The following MILR1 variants were observed in gnomAD, a reference collection of about 807,000 sequenced individuals.
MILR1 encodes the protein allergin-1.
MILR1 carries 31 observed loss-of-function variants against 18.5 expected under a neutral mutation model. The observed-to-expected ratio is 1.68, with a 90% CI of 1.26 to 2.26. The LOEUF (loss-of-function observed/expected upper bound fraction) is 2.26. Ranked by LOEUF, MILR1 falls within the 30% of genes most tolerant of loss-of-function variation. The pLI is 0.00. For synonymous variants in MILR1, 85 were observed against 56.2 expected, an observed-to-expected ratio of 1.51 and a Z score of -2.30; for missense variants, 257 against 157.4, an observed-to-expected ratio of 1.63 and a Z score of -3.38.
the MILR1 span, among the ~76,000 whole-genome samples, chr17:64,491,253 G>C: frequency 6.6e-6 from 1 of 152,090 alleles, no homozygotes; most frequent in Admixed American, 6.6e-5. Flanking sequence ...CCTGCCTCAG[G>C]ATTCAGAGTA....
At chr17:64,489,085 GC>G in the MILR1 span, among the ~76,000 whole-genome samples, 1 of 146,914 alleles carries the variant, frequency 6.8e-6, no homozygotes, top group Non-Finnish European at 1.5e-5. Flanking sequence ...GAGTGCAGCA[GC>G]ACAGTCTTGG....
chr17:64,466,430 C>T lies in MILR1; in HGVS notation c.854-12C>T, dbSNP rs1555663195. The T allele has an allele frequency of 1.2e-6, 2 of 1,612,352 alleles. No individual in the cohort carries two copies. Among genetic ancestry groups the T allele is most frequent in the Non-Finnish European group, 1.7e-6 (2 of 1,179,108 alleles). ...CCACCAACCCCCAATTTATGTCATT[C>T]TCATTTTACAGAGGAGGAATCTGTG... On this transcript the variant is annotated splice_polypyrimidine_tract_variant and intron_variant, in intron 6 of 9. Coordinates refer to ENST00000619286, the MANE Select transcript of MILR1 (RefSeq NM_001085423.2).
Position 64,468,407 on chromosome 17 carries a change from A to T in MILR1, c.*126A>T, listed in dbSNP as rs2037630354. ...CAGTTCAAGCGATTCTCATGCCTCG[A>T]CCTCCCGAGTAGCTGGGATTACAGG... On this transcript the variant is annotated 3_prime_UTR_variant, in exon 10 of 10. Coordinates refer to ENST00000619286, the MANE Select transcript of MILR1 (RefSeq NM_001085423.2). 8 of 410,530 alleles carry T rather than the reference A, an allele frequency of 1.9e-5. No individual in the cohort carries two copies. The highest frequency in any genetic ancestry group is 1.4e-4 in the South Asian group (8 of 56,906). 25.4% of individuals were successfully genotyped at this position (410,530 alleles called of 1,614,324 possible).
Position 64,457,683 on chromosome 17 carries a change from A to T in MILR1, c.651A>T (p.Thr217=). 2.1e-6 allele frequency: 1 copy of T among 473,984 alleles called. No individual in the cohort carries two copies. Among genetic ancestry groups the T allele is most frequent in the South Asian group, 6.7e-5 (1 of 14,886 alleles). 29.4% of individuals were successfully genotyped at this position (473,984 alleles called of 1,614,324 possible). The change falls in exon 4 of 10, where the codon ACA becomes ACT. Residue 217 remains threonine, a splice_region_variant and synonymous_variant. Coordinates refer to ENST00000619286, the MANE Select transcript of MILR1 (RefSeq NM_001085423.2). ...GTCACCCTGTCACCATGCCCTCAAC[A>T]GGTAAGAGCAACCTGAGTTCTTTCA... ...TYSHPVTMPS[T]GGDSCPFCLK...
chr17:64,486,355 G>GT, the MILR1 span, among the ~76,000 whole-genome samples: 3 of 135,168 alleles, frequency 2.2e-5, no homozygotes, highest in Admixed American at 2.1e-4. Context: ...ATTCAGAAAG[G>GT]TAACACTTTT....
the MILR1 span, among the ~76,000 whole-genome samples, chr17:64,477,299 G>C: frequency 6.6e-6 from 1 of 152,294 alleles, no homozygotes; most frequent in East Asian, 1.9e-4. Flanking sequence ...ATTATCATGT[G>C]ATTTAGTTCT....
At chr17:64,475,309 C>T in the MILR1 span, among the ~76,000 whole-genome samples, 1 of 152,080 alleles carries the variant, frequency 6.6e-6, no homozygotes, top group Non-Finnish European at 1.5e-5. Flanking sequence ...TTTCCCATAC[C>T]TCTAGGTAAG....
At chr17:64,479,183 GTTT>G in the MILR1 span, among the ~76,000 whole-genome samples, 1 of 126,910 alleles carries the variant, frequency 7.9e-6, no homozygotes, top group African/African-American at 2.9e-5. Context: ...TCTGAAAGGT[GTTT>G]TTTTTTTTTT....
chr17:64,471,762 G>C (rs1568075848), downstream of MILR1, among the ~76,000 whole-genome samples: 1 of 152,172 alleles, frequency 6.6e-6, no homozygotes, highest in Non-Finnish European at 1.5e-5. Flanking sequence ...GACTAGCCTG[G>C]GCAACTTGGC....
chr17:64,497,319 G>A, the MILR1 span, among the ~76,000 whole-genome samples: 1 of 152,216 alleles, frequency 6.6e-6, no homozygotes, highest in Admixed American at 6.5e-5. Flanking sequence ...CCACTGTTTT[G>A]CAGTCCAGAA....
At chr17:64,458,372 T>C (rs1451614841) in intron 4 of MILR1, among the ~76,000 whole-genome samples, 1 of 151,680 alleles carries the variant, frequency 6.6e-6, no homozygotes, top group Non-Finnish European at 1.5e-5. Context: ...GCCACCACGC[T>C]TGGCTAATTT....
chr17:64,475,808 C>CTTTT, the MILR1 span, among the ~76,000 whole-genome samples: 15 of 102,528 alleles, frequency 1.5e-4, no homozygotes, highest in South Asian at 3.0e-4. Context: ...CTACCACTTC[C>CTTTT]TTTTTTTTTT....
chr17:64,451,892 A>G (rs2037178030), intron 2 of MILR1, among the ~76,000 whole-genome samples: 2 of 151,930 alleles, frequency 1.3e-5, no homozygotes, highest in East Asian at 1.9e-4. Flanking sequence ...AGATGGTGCC[A>G]CTGCGCTCCA....
chr17:64,496,611 C>A, the MILR1 span: 12 of 1,614,016 alleles, frequency 7.4e-6, no homozygotes, highest in Non-Finnish European at 1.0e-5. Flanking sequence ...TCCCTGAACA[C>A]CACCACCGAG....
the MILR1 span, among the ~76,000 whole-genome samples, chr17:64,475,806 TC>T: frequency 7.0e-6 from 1 of 142,542 alleles, no homozygotes; most frequent in Non-Finnish European, 1.5e-5. Flanking sequence ...TACTACCACT[TC>T]CTTTTTTTTT....
chr17:64,479,700 T>C, the MILR1 span, among the ~76,000 whole-genome samples: 2 of 152,090 alleles, frequency 1.3e-5, no homozygotes, highest in Non-Finnish European at 1.5e-5. Flanking sequence ...GCAAGAGATA[T>C]TGGTGACTCT....
intron 2 of MILR1, among the ~76,000 whole-genome samples, chr17:64,450,087 T>C (rs2037133836): frequency 6.6e-6 from 1 of 151,902 alleles, no homozygotes; most frequent in Non-Finnish European, 1.5e-5. Flanking sequence ...TACAGGCGTG[T>C]GCCACCAAGC....
the MILR1 span, chr17:64,497,061 G>T: frequency 1.5e-6 from 2 of 1,318,238 alleles, no homozygotes; most frequent in Non-Finnish European, 2.1e-6. Flanking sequence ...AGGCCACGGC[G>T]CAGGCGCAAC....
intron 2 of MILR1, among the ~76,000 whole-genome samples, chr17:64,451,700 G>A (rs1217928324): frequency 6.6e-6 from 1 of 152,006 alleles, no homozygotes; most frequent in Non-Finnish European, 1.5e-5. Context: ...TTGGGAGGCT[G>A]AAGCAGGCAG....
Sources: gnomAD v4.1 joint callset for allele counts (sites outside exome capture counted in the v4.1 genomes callset) on GRCh38, gnomAD v4.1.1 for gene constraint, MANE v1.5 for transcripts, NCBI Gene and HGNC (gene_info 2026-07-23, HGNC 2026-07-21) for gene names.